The following GRB14 variants were observed in gnomAD, a reference collection of about 807,000 sequenced individuals.
The protein encoded by GRB14 is growth factor receptor bound protein 14.
Under a neutral mutation model 69.1 loss-of-function variants are expected in GRB14, and 38 were observed. The ratio of observed to expected loss-of-function variants is 0.55; its 90% CI spans 0.42 to 0.72. The LOEUF is 0.72. GRB14 is among the 30% of genes least tolerant of loss of function. The pLI is 0.00. For missense variants in GRB14, 666 were observed against 666.1 expected (o/e 1.00, Z 0.00); for synonymous variants, 247 against 241.3 (o/e 1.02, Z -0.22).
At chr2:164,529,083 G>C (rs944427257) in intron 3 of GRB14, among the ~76,000 whole-genome samples, 5 of 152,084 alleles carry the variant, frequency 3.3e-5, no homozygotes, top group African/African-American at 4.8e-5. Flanking sequence ...GCTTTAAAAA[G>C]GAATGTAATT....
At chr2:164,548,891 A>ATT (rs1688454610) in intron 2 of GRB14, among the ~76,000 whole-genome samples, 1 of 151,728 alleles carries the variant, frequency 6.6e-6, no homozygotes, top group East Asian at 1.9e-4. Context: ...TTTTTTTTGA[A>ATT]GGAGTTTCAT....
At chr2:164,520,842 C>A (rs1687616880) in intron 6 of GRB14, among the ~76,000 whole-genome samples, 1 of 151,854 alleles carries the variant, frequency 6.6e-6, no homozygotes, top group Non-Finnish European at 1.5e-5. Context: ...TGGCCATAAT[C>A]AAAAAAATCA....
At chr2:164,532,181 C>T (rs1462619524) in intron 3 of GRB14, among the ~76,000 whole-genome samples, 1 of 152,094 alleles carries the variant, frequency 6.6e-6, no homozygotes, top group Non-Finnish European at 1.5e-5. Flanking sequence ...ACATTTCAAA[C>T]GTGTATGGAA....
At position 164,497,275 on chromosome 2, in the gene GRB14, T is replaced by A. The variant is rs1342278714; in HGVS notation, c.1230A>T (p.Gly410=). Residue 410 remains glycine, a synonymous_variant, in exon 11 of 14, where the codon GGA becomes GGT. Transcript: ENST00000263915. ...TACCGTGAGTGCCCAGGCGTAAACA[T>A]CCTTTTTTCTGAGCAAGGAAGGAGA... The part of the protein sequence containing the change: ...VEEGLAWRKK[G]CLRLGTHGSP... The A allele has an allele frequency of 6.2e-7, 1 of 1,612,816 alleles. No individual in the cohort carries two copies. The highest frequency in any genetic ancestry group is 8.5e-7 in the Non-Finnish European group (1 of 1,179,576).
At chr2:164,497,623 T>C in intron 9 of GRB14, 133 bp from the exon 10 acceptor site, 1 of 637,530 alleles carries the variant, frequency 1.6e-6, no homozygotes, top group South Asian at 2.0e-5. Flanking sequence ...TTCTAGAAGG[T>C]GGTGCCTGAA....
intron 3 of GRB14, among the ~76,000 whole-genome samples, chr2:164,544,851 G>A (rs1688330953): frequency 6.6e-6 from 1 of 152,166 alleles, no homozygotes; most frequent in Admixed American, 6.5e-5. Flanking sequence ...TGTCAAATCA[G>A]AAGTACAAAC....
intron 2 of GRB14, among the ~76,000 whole-genome samples, chr2:164,585,088 T>C (rs1227446136): frequency 6.1e-5 from 1 of 16,506 alleles, no homozygotes. Flanking sequence ...TGCCTGGCTT[T>C]TTTTTTTTTT....
intron 2 of GRB14, among the ~76,000 whole-genome samples, chr2:164,575,435 T>C (rs1043434273): frequency 6.6e-6 from 1 of 152,158 alleles, no homozygotes; most frequent in African/African-American, 2.4e-5. Flanking sequence ...ATTATGTTGC[T>C]ATAATAAAAC....
chr2:164,619,328 C>T (rs1436247269), intron 2 of GRB14, among the ~76,000 whole-genome samples: 2 of 152,202 alleles, frequency 1.3e-5, no homozygotes, highest in Non-Finnish European at 2.9e-5. Context: ...ATCCCCTTCT[C>T]ACCCCACTAC....
Position 164,508,464 on chromosome 2 carries a change from T to C in GRB14, c.1014A>G (p.Arg338=). 1 of 1,613,816 alleles carries C rather than the reference T, an allele frequency of 6.2e-7. No homozygotes were observed. The highest frequency in any genetic ancestry group is 8.5e-7 in the Non-Finnish European group (1 of 1,179,770). The part of the protein sequence containing the change: ...QSRTCWVTAI[R]LLKYGMQLYQ... ...CCTCCGGCGAGATTACCTTAAGCAA[T>C]CTAATCGCGGTCACCCAGCACGTCC... The change falls in exon 8 of 14, where the codon AGA becomes AGG. Residue 338 remains arginine, a synonymous_variant. Transcript: ENST00000263915.
intron 2 of GRB14, among the ~76,000 whole-genome samples, chr2:164,561,987 C>T (rs955603854): frequency 1.3e-5 from 2 of 152,130 alleles, no homozygotes; most frequent in Non-Finnish European, 1.5e-5. Context: ...AGAAAAGCAA[C>T]AGAGACAAAT....
chr2:164,578,196 G>T (rs1689298434), intron 2 of GRB14, among the ~76,000 whole-genome samples: 1 of 151,858 alleles, frequency 6.6e-6, no homozygotes, highest in Non-Finnish European at 1.5e-5. Context: ...TCGTGCCACT[G>T]CACTCCAGCC....
At chr2:164,613,741 C>T (rs1015267420) in intron 2 of GRB14, among the ~76,000 whole-genome samples, 1 of 152,192 alleles carries the variant, frequency 6.6e-6, no homozygotes, top group African/African-American at 2.4e-5. Flanking sequence ...TTTTGGCCTT[C>T]AGGTACTACA....
chr2:164,529,062 T>C (rs911742465), intron 3 of GRB14, among the ~76,000 whole-genome samples: 1 of 152,142 alleles, frequency 6.6e-6, no homozygotes, highest in Non-Finnish European at 1.5e-5. Flanking sequence ...GTACCTACAA[T>C]GGAATATTCA....
intron 2 of GRB14, among the ~76,000 whole-genome samples, chr2:164,594,795 TAA>T (rs747417265): frequency 3.3e-5 from 5 of 152,338 alleles, no homozygotes; most frequent in Admixed American, 1.3e-4. Flanking sequence ...TATTTTCCTT[TAA>T]ACTTTTATAA....
chr2:164,534,316 A>G (rs1044194276), intron 3 of GRB14, among the ~76,000 whole-genome samples: 2 of 152,156 alleles, frequency 1.3e-5, no homozygotes, highest in Non-Finnish European at 2.9e-5. Context: ...CCTTCCCCCA[A>G]CCAATCTCAT....
chr2:164,606,187 A>G (rs941601498), intron 2 of GRB14, among the ~76,000 whole-genome samples: 4 of 152,092 alleles, frequency 2.6e-5, no homozygotes, highest in Admixed American at 2.6e-4. Flanking sequence ...ATCCCCACAC[A>G]TCCCATATGC....
chr2:164,567,830 G>A (rs1458735119), intron 2 of GRB14, among the ~76,000 whole-genome samples: 2 of 152,126 alleles, frequency 1.3e-5, no homozygotes, highest in African/African-American at 4.8e-5. Flanking sequence ...ATAGAAATGG[G>A]TAGAAACCTG....
intron 12 of GRB14, among the ~76,000 whole-genome samples, chr2:164,496,134 A>G (rs1364659446): frequency 6.6e-6 from 1 of 152,224 alleles, no homozygotes; most frequent in Non-Finnish European, 1.5e-5. Context: ...CCATGTGAAG[A>G]AGCATTGTTA....
Sources: gnomAD v4.1 joint callset for allele counts (sites outside exome capture counted in the v4.1 genomes callset) on GRCh38, gnomAD v4.1.1 for gene constraint, MANE v1.5 for transcripts, NCBI Gene and HGNC (gene_info 2026-07-23, HGNC 2026-07-21) for gene names.